The following FGF12 variants were observed in gnomAD, a reference collection of about 807,000 sequenced individuals.
FGF12 encodes fibroblast growth factor 12, also known as fibroblast growth factor 12B.
Under a neutral mutation model 23.6 loss-of-function variants are expected in FGF12, and 14 were observed. The ratio of observed to expected loss-of-function variants is 0.59; its 90% CI spans 0.39 to 0.93. The LOEUF (loss-of-function observed/expected upper bound fraction) is 0.93, where lower values mean the gene tolerates loss of function less well. FGF12 is among the 40% of genes least tolerant of loss of function. FGF12 has a pLI of 0.00. For missense variants in FGF12, 175 were observed against 217.8 expected, an observed-to-expected ratio of 0.80 and a Z score of 1.24; for synonymous variants, 62 against 77.3, an observed-to-expected ratio of 0.80 and a Z score of 1.04.
intron 2 of FGF12, among the ~76,000 whole-genome samples, chr3:192,523,824 C>G (rs1020781888): frequency 4.6e-5 from 7 of 152,120 alleles, no homozygotes; most frequent in African/African-American, 1.7e-4. Context: ...AAATGTGAAG[C>G]CTGTGGTAAT....
In FGF12 at chr3:192,152,926, C is replaced by G. The variant is rs1213859017; in HGVS notation, c.428-8799G>C. On this transcript the variant is annotated intron_variant, in intron 5 of 5. Coordinates refer to ENST00000445105, the MANE Select transcript of FGF12 (RefSeq NM_004113.6). ...GTTGACAGTGGGGTGTTAAAGTCTC[C>G]CATTATTAATGTGTGTGAGTCTAAG... Among the ~76,000 whole-genome samples the G allele has an allele frequency of 2.1e-4, 3 of 13,988 alleles. 1 individual carries two copies. The East Asian group carries it at 0.021, about 96-fold the overall frequency. The allele number at this position is 13,988 out of a possible 152,430, so 9.2% of individuals were successfully genotyped here. A position where few individuals can be genotyped will look rare whatever the true frequency, so the allele number is the denominator to read the frequency against.
rs149474679 is a variant in FGF12 at position 192,352,830 on chromosome 3, G to C, written c.124+7598C>G. On this transcript the variant is annotated intron_variant, in intron 3 of 5. Transcript: ENST00000445105. ...CTAATTCAAGGGCAAAGAATCTCAA[G>C]TCAGATTACTTGGACCCAAATTCTG... 3.0e-3 allele frequency among the ~76,000 whole-genome samples: 453 copies of C among 152,244 alleles called. 1 individual carries two copies. The highest frequency in any genetic ancestry group is 0.01 in the African/African-American group (432 of 41,556).
At chr3:192,332,585 ACT>A (rs1717179102) in intron 4 of FGF12, among the ~76,000 whole-genome samples, 1 of 152,214 alleles carries the variant, frequency 6.6e-6, no homozygotes, top group African/African-American at 2.4e-5. Context: ...CGTCTTTGAC[ACT>A]CTCTCCTCCT....
intron 2 of FGF12, among the ~76,000 whole-genome samples, chr3:192,455,547 C>T (rs1190777526): frequency 2.0e-5 from 3 of 152,342 alleles, no homozygotes; most frequent in East Asian, 3.9e-4. Flanking sequence ...TTAATCTCTA[C>T]ACAGTTTATT....
chr3:192,388,505 A>G (rs1576938586), intron 2 of FGF12, among the ~76,000 whole-genome samples: 1 of 151,580 alleles, frequency 6.6e-6, no homozygotes, highest in East Asian at 1.9e-4. Context: ...ATATTTTCTC[A>G]GATGTTGTAG....
intron 2 of FGF12, among the ~76,000 whole-genome samples, chr3:192,651,233 G>A (rs1335692238): frequency 6.6e-6 from 1 of 152,182 alleles, no homozygotes; most frequent in Non-Finnish European, 1.5e-5. Flanking sequence ...ACCGACATTT[G>A]TTGAAGCCTT....
At chr3:192,155,033 C>G (rs1714307897) in intron 5 of FGF12, among the ~76,000 whole-genome samples, 1 of 147,304 alleles carries the variant, frequency 6.8e-6, no homozygotes, top group East Asian at 2.0e-4. Context: ...GTTTTTTAAG[C>G]CGGTCTGAAA....
intron 4 of FGF12, among the ~76,000 whole-genome samples, chr3:192,175,178 A>G (rs1434130773): frequency 6.6e-6 from 1 of 152,214 alleles, no homozygotes; most frequent in African/African-American, 2.4e-5. Context: ...AATCTAATGT[A>G]TAACGGAAAC....
At chr3:192,354,219 G>C (rs926057080) in intron 3 of FGF12, among the ~76,000 whole-genome samples, 2 of 152,180 alleles carry the variant, frequency 1.3e-5, no homozygotes, top group Non-Finnish European at 2.9e-5. Flanking sequence ...TAATGAAAGT[G>C]TATTTGTATT....
chr3:192,716,769 C>A (rs965462176), intron 2 of FGF12, among the ~76,000 whole-genome samples: 1 of 152,116 alleles, frequency 6.6e-6, no homozygotes, highest in African/African-American at 2.4e-5. Context: ...CTAGAAAGAG[C>A]GTCATTGTAC....
At chr3:192,398,386 CTTTTT>C (rs749956480) in intron 2 of FGF12, among the ~76,000 whole-genome samples, 4 of 72,416 alleles carry the variant, frequency 5.5e-5, no homozygotes, top group African/African-American at 1.5e-4. Flanking sequence ...TTTCTTTTTT[CTTTTT>C]TTTTTTTTTT....
At chr3:192,460,741 A>C (rs1722840159) in intron 2 of FGF12, among the ~76,000 whole-genome samples, 1 of 151,144 alleles carries the variant, frequency 6.6e-6, no homozygotes, top group Non-Finnish European at 1.5e-5. Flanking sequence ...ATAGTGCCTT[A>C]CAGTTGGAAA....
At chr3:192,626,697 C>G (rs115048552) in intron 2 of FGF12, among the ~76,000 whole-genome samples, 1,831 of 152,230 alleles carry the variant, frequency 0.012, 43 homozygotes, top group African/African-American at 0.042. Flanking sequence ...CCTGCAGCCT[C>G]CAACTCCTGG....
At chr3:192,289,660 G>A (rs1714653101) in intron 4 of FGF12, among the ~76,000 whole-genome samples, 1 of 152,064 alleles carries the variant, frequency 6.6e-6, no homozygotes, top group African/African-American at 2.4e-5. Flanking sequence ...ATGTGGGAGA[G>A]TTAACCACTT....
intron 2 of FGF12, among the ~76,000 whole-genome samples, chr3:192,600,542 A>T (rs1714070444): frequency 6.6e-6 from 1 of 152,176 alleles, no homozygotes; most frequent in African/African-American, 2.4e-5. Flanking sequence ...TTTGCAAACT[A>T]TTCATACAAC....
At chr3:192,439,616 G>T (rs1316509414) in intron 2 of FGF12, among the ~76,000 whole-genome samples, 1 of 152,178 alleles carries the variant, frequency 6.6e-6, no homozygotes, top group Non-Finnish European at 1.5e-5. Flanking sequence ...GGAGAGACAG[G>T]TGGGAATAAA....
rs142379666 is a variant in FGF12 at position 192,235,507 on chromosome 3, A to G, written c.229-64851T>C. Among the ~76,000 whole-genome samples the G allele has an allele frequency of 8.9e-3, 1,360 of 152,222 alleles. 18 individuals are homozygous for G. The highest frequency in any genetic ancestry group is 0.031 in the African/African-American group (1,300 of 41,534). On this transcript the variant is annotated intron_variant, in intron 4 of 5. Transcript: ENST00000445105. ...CCCAGCTAATTTTTGTGTTTTTAGC[A>G]GAGATGGGGTTTCACCATGTTGGCC... is the stretch of plus-strand genomic sequence containing the variant.
intron 2 of FGF12, among the ~76,000 whole-genome samples, chr3:192,696,803 G>A (rs1023689931): frequency 3.3e-5 from 5 of 151,946 alleles, no homozygotes; most frequent in East Asian, 1.9e-4. Context: ...AACAAGATTC[G>A]GGTGATACAG....
rs1282105710 is a variant in FGF12 at position 192,268,754 on chromosome 3, G to C, written c.228+66607C>G. ...TCCTGTAAAACCTGCAGAACTGTGA[G>C]CCGATCAAAACTATTGTCTTCATAA... On this transcript the variant is annotated intron_variant, in intron 4 of 5. Transcript: ENST00000445105. The C allele has an allele frequency of 1.6e-5, 7 of 433,334 alleles. No individual in the cohort carries two copies. In the East Asian group the frequency reaches 4.6e-4, roughly 29 times the overall value. 26.8% of individuals were successfully genotyped at this position (433,334 alleles called of 1,614,324 possible).
Sources: allele counts gnomAD v4.1 joint callset (sites outside exome capture counted in the v4.1 genomes callset), GRCh38; gene constraint gnomAD v4.1.1; transcripts MANE v1.5; gene names NCBI Gene and HGNC (gene_info 2026-07-23, HGNC 2026-07-21).